Variants in DAB1 observed in about 807,000 individuals in gnomAD.
DAB1 encodes the protein disabled homolog 1.
Under a neutral mutation model 64.6 loss-of-function variants are expected in DAB1, and 15 were observed. The ratio of observed to expected loss-of-function variants is 0.23; its 90% CI spans 0.16 to 0.36. The LOEUF is 0.36. Ranked by LOEUF, DAB1 falls within the 10% of genes least tolerant of loss-of-function variation. The pLI, the probability that DAB1 is intolerant of heterozygous loss-of-function variation, is 1.00. For synonymous variants in DAB1, 235 were observed against 251.9 expected, an observed-to-expected ratio of 0.93 and a Z score of 0.64; for missense variants, 596 against 706.7, an observed-to-expected ratio of 0.84 and a Z score of 1.78.
intron 3 of DAB1, among the ~76,000 whole-genome samples, chr1:58,446,967 C>T (rs1645074495): frequency 6.6e-6 from 1 of 152,330 alleles, no homozygotes; most frequent in South Asian, 2.1e-4. Context: ...ATATCACCTT[C>T]CATTCATGAT....
chr1:57,900,742 T>C (rs1333556946), intron 5 of DAB1, among the ~76,000 whole-genome samples: 1 of 152,196 alleles, frequency 6.6e-6, no homozygotes, highest in Non-Finnish European at 1.5e-5. Flanking sequence ...TGATAATTAC[T>C]TCCTTCAGGC....
At chr1:57,454,783 C>G (rs1686520418) in intron 7 of DAB1, among the ~76,000 whole-genome samples, 1 of 152,090 alleles carries the variant, frequency 6.6e-6, no homozygotes, top group Non-Finnish European at 1.5e-5. Context: ...ACCCCAGAAA[C>G]CTTTCACTCG....
chr1:57,511,181 A>G (rs1644400984), intron 7 of DAB1, among the ~76,000 whole-genome samples: 1 of 152,188 alleles, frequency 6.6e-6, no homozygotes, highest in African/African-American at 2.4e-5. Context: ...ACCACCAAAT[A>G]GATAGAAATC....
intron 3 of DAB1, among the ~76,000 whole-genome samples, chr1:58,455,029 T>C (rs1645179954): frequency 6.6e-6 from 1 of 152,218 alleles, no homozygotes; most frequent in African/African-American, 2.4e-5. Flanking sequence ...AGAATGTCTT[T>C]TCCATCTGTT....
chr1:57,463,067 G>A (rs957175259), intron 7 of DAB1, among the ~76,000 whole-genome samples: 1 of 152,106 alleles, frequency 6.6e-6, no homozygotes, highest in African/African-American at 2.4e-5. Context: ...CAAACATAAA[G>A]GTAGCAAGGG....
intron 2 of DAB1, among the ~76,000 whole-genome samples, chr1:57,218,515 T>TAAAAAAAAAAAAAAAAAAAAAAAAAAAAA (rs776398255): frequency 1.4e-5 from 1 of 71,440 alleles, no homozygotes; most frequent in African/African-American, 7.4e-5. Context: ...CCCCCATCTC[T>TAAAAAAAAAAAAAAAAAAAAAAAAAAAAA]AAAAAAAAAA....
chr1:58,321,879 G>T (rs35231328), intron 4 of DAB1, among the ~76,000 whole-genome samples: 2 of 152,180 alleles, frequency 1.3e-5, no homozygotes, highest in African/African-American at 4.8e-5. Context: ...AGACTTAAAC[G>T]TCCCTGTCTG....
At chr1:58,421,641 G>C (rs1644773169) in intron 3 of DAB1, among the ~76,000 whole-genome samples, 1 of 152,156 alleles carries the variant, frequency 6.6e-6, no homozygotes, top group Non-Finnish European at 1.5e-5. Context: ...TGCTGGGCTT[G>C]TCAGACCACA....
chr1:58,479,051 T>C (rs1365319633), intron 3 of DAB1, among the ~76,000 whole-genome samples: 1 of 152,222 alleles, frequency 6.6e-6, no homozygotes, highest in East Asian at 1.9e-4. Context: ...TCATATACTA[T>C]AAAGATATTA....
chr1:58,210,970 G>A (rs1021132605), intron 4 of DAB1, among the ~76,000 whole-genome samples: 1 of 152,146 alleles, frequency 6.6e-6, no homozygotes, highest in Non-Finnish European at 1.5e-5. Flanking sequence ...AGGCAAAGTT[G>A]GGGGAAGAGA....
At chr1:58,521,321 T>C (rs1213960719) in intron 2 of DAB1, among the ~76,000 whole-genome samples, 2 of 133,392 alleles carry the variant, frequency 1.5e-5, no homozygotes, top group Non-Finnish European at 3.3e-5. Context: ...CTTAAATGTA[T>C]GTACTAGAAA....
intron 5 of DAB1, among the ~76,000 whole-genome samples, chr1:58,011,921 C>T (rs1224809265): frequency 6.6e-6 from 1 of 152,164 alleles, no homozygotes; most frequent in East Asian, 1.9e-4. Flanking sequence ...AAACTCCTGA[C>T]CTCAGGTGAT....
intron 5 of DAB1, among the ~76,000 whole-genome samples, chr1:58,037,125 T>G (rs1177747080): frequency 6.6e-6 from 1 of 152,156 alleles, no homozygotes; most frequent in Non-Finnish European, 1.5e-5. Flanking sequence ...CTCCACGTAT[T>G]GTCTCTCCCC....
At chr1:57,371,795 A>G (rs1337082022) in intron 1 of DAB1, among the ~76,000 whole-genome samples, 1 of 152,248 alleles carries the variant, frequency 6.6e-6, no homozygotes, top group African/African-American at 2.4e-5. Context: ...GTGATTCTCA[A>G]CCAGGGGCTA....
At chr1:58,198,730 A>T (rs1657830374) in intron 4 of DAB1, among the ~76,000 whole-genome samples, 2 of 152,164 alleles carry the variant, frequency 1.3e-5, no homozygotes, top group Admixed American at 1.3e-4. Context: ...GGCAAGACTC[A>T]ATCCATTGAG....
At chr1:57,582,286 C>CT (rs1244141634) in intron 7 of DAB1, among the ~76,000 whole-genome samples, 3 of 152,166 alleles carry the variant, frequency 2.0e-5, no homozygotes, top group African/African-American at 7.2e-5. Flanking sequence ...CAAGGCACAT[C>CT]TTACAGAGTG....
Position 58,228,761 on chromosome 1 carries a change from G to C in DAB1, n.310-78173C>G, listed in dbSNP as rs992529789. 6 of 906,982 alleles carry C rather than the reference G, an allele frequency of 6.6e-6. No individual in the cohort carries two copies. The African/African-American group carries it at 1.0e-4, about 15-fold the overall frequency. 56.2% of individuals were successfully genotyped at this position (906,982 alleles called of 1,614,324 possible). A position where few individuals can be genotyped will look rare whatever the true frequency, so the allele number is the denominator to read the frequency against. On this transcript the variant is annotated intron_variant and non_coding_transcript_variant, in intron 4 of 20. Coordinates refer to the DAB1 transcript ENST00000485760. ...ACATCAGGCCCACGTTGATGGCATA[G>C]GTGGTTATGCAAACAAGACAGAAAT...
chr1:57,394,453 C>G (rs1414957788), intron 1 of DAB1, among the ~76,000 whole-genome samples: 1 of 152,164 alleles, frequency 6.6e-6, no homozygotes, highest in Non-Finnish European at 1.5e-5. Flanking sequence ...ACTTTCAGGT[C>G]CTGAACTAGC....
At chr1:58,201,576 G>C (rs965129219) in intron 4 of DAB1, among the ~76,000 whole-genome samples, 1 of 152,154 alleles carries the variant, frequency 6.6e-6, no homozygotes, top group African/African-American at 2.4e-5. Context: ...CAAGTCTCAG[G>C]GTTTCACAGA....
Sources: gnomAD v4.1 joint callset for allele counts (sites outside exome capture counted in the v4.1 genomes callset) on GRCh38, gnomAD v4.1.1 for gene constraint, MANE v1.5 for transcripts, NCBI Gene and HGNC (gene_info 2026-07-23, HGNC 2026-07-21) for gene names.